The following CDH12 variants were observed in gnomAD, a reference collection of about 807,000 sequenced individuals.
CDH12 encodes cadherin-12.
In CDH12, 41 loss-of-function variants were observed where a neutral mutation model predicts 74.1. The ratio of observed to expected loss-of-function variants is 0.55; its 90% CI spans 0.43 to 0.72. The LOEUF (loss-of-function observed/expected upper bound fraction) is 0.72, where lower values mean the gene tolerates loss of function less well. Among genes scored for constraint, CDH12 ranks in the 30% least tolerant of loss-of-function variants. The pLI, the probability that CDH12 is intolerant of heterozygous loss-of-function variation, is 0.00. For missense variants in CDH12, 945 were observed against 977.2 expected (o/e 0.97, Z 0.44); for synonymous variants, 399 against 355.0 (o/e 1.12, Z -1.39).
At chr5:22,133,750 T>C (rs188315647) in intron 4 of CDH12, among the ~76,000 whole-genome samples, 84 of 152,252 alleles carry the variant, frequency 5.5e-4, no homozygotes, top group Non-Finnish European at 9.4e-4. Flanking sequence ...TAATTACGTG[T>C]ACATATACAT....
At chr5:22,484,045 C>G in intron 2 of CDH12, among the ~76,000 whole-genome samples, 1 of 151,464 alleles carries the variant, frequency 6.6e-6, no homozygotes. Flanking sequence ...TGTTGCTAAA[C>G]TTAAAAACTA....
At chr5:22,547,635 G>T (rs1347301558) in intron 1 of CDH12, among the ~76,000 whole-genome samples, 11 of 151,860 alleles carry the variant, frequency 7.2e-5, no homozygotes, top group Admixed American at 7.2e-4. Flanking sequence ...ACTCATTGGG[G>T]GATAAAAATA....
In CDH12 at chr5:21,802,248, T is replaced by G; in HGVS notation, c.1175A>C (p.Glu392Ala). 2 of 1,613,842 alleles carry G rather than the reference T, an allele frequency of 1.2e-6. No individual in the cohort carries two copies. Among genetic ancestry groups the G allele is most frequent in the Non-Finnish European group, 1.7e-6 (2 of 1,179,920 alleles). The change falls in exon 10 of 15, where the codon GAG (glutamate) becomes GCG (alanine). Residue 392 changes from glutamate (E) to alanine (A), a missense_variant. Transcript: ENST00000382254. ...PVFSKPLYTMEVYEDTPVGTI... is the reference protein window; with the variant it reads ...PVFSKPLYTMAVYEDTPVGTI... ...CCCTACCGGAGTGTCTTCATAAACC[T>G]CCATGGTGTAGAGCGGCTTGCTGAA...
intron 6 of CDH12, among the ~76,000 whole-genome samples, chr5:21,880,617 T>TTTCTTTCTTTC (rs1752259965): frequency 5.6e-5 from 3 of 53,936 alleles, no homozygotes; most frequent in African/African-American, 2.5e-4. Context: ...CCTTCCTTCC[T>TTTCTTTCTTTC]TCTTTCTTTC....
rs1741377789 is a variant in CDH12, at chr5:22,679,492, C to T, written c.-523+173566G>A. On this transcript the variant is annotated intron_variant, in intron 1 of 14. Coordinates refer to ENST00000382254, the MANE Select transcript of CDH12 (RefSeq NM_004061.5). Reference sequence around the variant, plus strand: ...TAGAAAGAAAAAAAATGCCTTGTGACCAGGGACCAGTTGTTATGTAGATTA... The same window carrying T: ...TAGAAAGAAAAAAAATGCCTTGTGATCAGGGACCAGTTGTTATGTAGATTA... 2.0e-5 allele frequency among the ~76,000 whole-genome samples: 3 copies of T among 151,964 alleles called. No individual in the cohort carries two copies. The South Asian group carries it at 6.2e-4, about 31-fold the overall frequency.
At chr5:22,583,509 T>C (rs1740209592) in intron 1 of CDH12, among the ~76,000 whole-genome samples, 1 of 152,198 alleles carries the variant, frequency 6.6e-6, no homozygotes, top group African/African-American at 2.4e-5. Context: ...TAAAATAAGA[T>C]AATGAAATAA....
chr5:22,634,966 TCA>T (rs1311673254), intron 1 of CDH12, among the ~76,000 whole-genome samples: 15 of 146,858 alleles, frequency 1.0e-4, no homozygotes, highest in African/African-American at 3.8e-4. Context: ...TCTACCAAAA[TCA>T]CAGTTGGATT....
intron 5 of CDH12, among the ~76,000 whole-genome samples, chr5:22,002,821 C>A (rs2963540): frequency 6.6e-6 from 1 of 151,726 alleles, no homozygotes. Flanking sequence ...ATCAATATAA[C>A]GAACATTTTC....
Position 22,030,573 on chromosome 5 carries a change from G to T in CDH12, c.231+47873C>A, listed in dbSNP as rs184656829. Among the ~76,000 whole-genome samples, 325 of 152,236 alleles carry T rather than the reference G, an allele frequency of 2.1e-3. 8 individuals carry two copies. Among genetic ancestry groups the T allele is most frequent in the Non-Finnish European group, 3.5e-4 (24 of 68,012 alleles). ...TTTGTTGTTTCATTTATATAGCACAGGCAAATTAGATTTAACACAACTTTT... is the reference window on the plus strand; with the variant it reads ...TTTGTTGTTTCATTTATATAGCACATGCAAATTAGATTTAACACAACTTTT... On this transcript the variant is annotated intron_variant, in intron 5 of 14. Transcript: ENST00000382254.
At chr5:22,778,943 A>G (rs1747247053) in intron 1 of CDH12, among the ~76,000 whole-genome samples, 2 of 152,108 alleles carry the variant, frequency 1.3e-5, no homozygotes, top group South Asian at 4.1e-4. Context: ...AACACTTTTT[A>G]TACAAGGAAT....
At chr5:22,773,233 A>T (rs1746906653) in intron 1 of CDH12, among the ~76,000 whole-genome samples, 1 of 152,108 alleles carries the variant, frequency 6.6e-6, no homozygotes, top group Admixed American at 6.6e-5. Context: ...CAGATATATG[A>T]TATTATCTGA....
At chr5:22,778,085 A>G (rs1747196054) in intron 1 of CDH12, among the ~76,000 whole-genome samples, 1 of 152,106 alleles carries the variant, frequency 6.6e-6, no homozygotes, top group African/African-American at 2.4e-5. Context: ...GATTACAAGC[A>G]TGGGCCATCA....
At chr5:22,709,408 G>T (rs1433626144) in intron 1 of CDH12, among the ~76,000 whole-genome samples, 1 of 152,058 alleles carries the variant, frequency 6.6e-6, no homozygotes, top group Non-Finnish European at 1.5e-5. Context: ...AGCCATCCTT[G>T]ATCTTAGAAG....
At chr5:22,849,276 T>C (rs1460003223) in intron 1 of CDH12, among the ~76,000 whole-genome samples, 1 of 152,158 alleles carries the variant, frequency 6.6e-6, no homozygotes, top group African/African-American at 2.4e-5. Flanking sequence ...ATCCTTAAAC[T>C]ATGGTTTCAA....
chr5:22,643,733 CTTT>C (rs762944279), intron 1 of CDH12, among the ~76,000 whole-genome samples: 4 of 51,200 alleles, frequency 7.8e-5, no homozygotes, highest in African/African-American at 1.6e-4. Flanking sequence ...TTTAAGGTAT[CTTT>C]TTTTTTTTTT....
chr5:22,335,475 C>G (rs563943013), intron 3 of CDH12, among the ~76,000 whole-genome samples: 3 of 152,126 alleles, frequency 2.0e-5, no homozygotes, highest in Non-Finnish European at 4.4e-5. Flanking sequence ...GTCCCAGCTA[C>G]TCAGGAGACT....
chr5:22,285,616 T>C (rs948699413), intron 3 of CDH12, among the ~76,000 whole-genome samples: 5 of 152,152 alleles, frequency 3.3e-5, no homozygotes, highest in African/African-American at 4.8e-5. Context: ...ATGAAAGAAT[T>C]CGTGTTATAT....
chr5:21,981,415 GTCTA>G (rs747058190), intron 5 of CDH12, among the ~76,000 whole-genome samples: 4 of 151,490 alleles, frequency 2.6e-5, no homozygotes, highest in Middle Eastern at 3.2e-3. Flanking sequence ...CTACCCATTT[GTCTA>G]TCTGTTAACC....
chr5:22,590,209 T>A (rs1242083113), intron 1 of CDH12, among the ~76,000 whole-genome samples: 2 of 152,186 alleles, frequency 1.3e-5, no homozygotes, highest in African/African-American at 2.4e-5. Context: ...GGTAGCAGAA[T>A]AGGCCATCTC....
Sources: gnomAD v4.1 joint callset for allele counts (sites outside exome capture counted in the v4.1 genomes callset) on GRCh38, gnomAD v4.1.1 for gene constraint, MANE v1.5 for transcripts, NCBI Gene and HGNC (gene_info 2026-07-23, HGNC 2026-07-21) for gene names.